The following AGBL4 variants were observed in gnomAD, a reference collection of about 807,000 sequenced individuals.
AGBL4 encodes cytosolic carboxypeptidase 6.
Under a neutral mutation model 66.4 loss-of-function variants are expected in AGBL4, and 58 were observed. The observed-to-expected ratio is 0.87, with a 90% CI of 0.71 to 1.09. The LOEUF (loss-of-function observed/expected upper bound fraction) is 1.09. AGBL4 is among the 50% of genes least tolerant of loss of function. AGBL4 has a pLI of 0.00. For synonymous variants in AGBL4, 234 were observed against 222.9 expected, an observed-to-expected ratio of 1.05 and a Z score of -0.44; for missense variants, 579 against 631.0, an observed-to-expected ratio of 0.92 and a Z score of 0.88.
chr1:49,535,890 A>T (rs1651539821), intron 3 of AGBL4, among the ~76,000 whole-genome samples: 2 of 152,092 alleles, frequency 1.3e-5, no homozygotes, highest in South Asian at 4.2e-4. Context: ...ACGGGGTTTC[A>T]CCGTGTTAGC....
intron 13 of AGBL4, 40 bp downstream of exon 13, chr1:48,534,850 T>C (rs1348857780): frequency 2.6e-6 from 4 of 1,543,642 alleles, no homozygotes; most frequent in East Asian, 4.9e-5. Flanking sequence ...ATGCATGGTA[T>C]GTTACTTACG....
At chr1:48,656,170 T>A (rs547769673) in intron 7 of AGBL4, among the ~76,000 whole-genome samples, 1 of 152,304 alleles carries the variant, frequency 6.6e-6, no homozygotes, top group South Asian at 2.1e-4. Context: ...GGTAGAGGAT[T>A]TGAAATTAAA....
chr1:49,485,925 T>C (rs993529894), intron 3 of AGBL4, among the ~76,000 whole-genome samples: 2 of 152,018 alleles, frequency 1.3e-5, no homozygotes, highest in Non-Finnish European at 1.5e-5. Context: ...AGGGTGACTA[T>C]AGTAAAAAGT....
At chr1:49,730,697 C>T (rs548998858) in intron 2 of AGBL4, among the ~76,000 whole-genome samples, 18 of 152,270 alleles carry the variant, frequency 1.2e-4, no homozygotes, top group African/African-American at 4.3e-4. Flanking sequence ...CACAGAGCCA[C>T]AGCAGGCTCA....
At chr1:48,598,420 G>T (rs985318580) in intron 9 of AGBL4, among the ~76,000 whole-genome samples, 3 of 152,036 alleles carry the variant, frequency 2.0e-5, no homozygotes, top group Admixed American at 2.0e-4. Context: ...CACACCTAGG[G>T]TATATGGTTA....
At chr1:49,334,736 C>A (rs933597542) in intron 3 of AGBL4, among the ~76,000 whole-genome samples, 4 of 152,184 alleles carry the variant, frequency 2.6e-5, no homozygotes, top group Non-Finnish European at 5.9e-5. Context: ...CCCCTACCAA[C>A]TATTTGGCAC....
At chr1:49,409,011 C>G (rs1351992526) in intron 3 of AGBL4, among the ~76,000 whole-genome samples, 1 of 152,144 alleles carries the variant, frequency 6.6e-6, no homozygotes, top group Non-Finnish European at 1.5e-5. Flanking sequence ...GGAATTAAGG[C>G]TTACAGAAGT....
intron 3 of AGBL4, among the ~76,000 whole-genome samples, chr1:49,427,986 T>C (rs1189292290): frequency 6.6e-6 from 1 of 151,964 alleles, no homozygotes; most frequent in African/African-American, 2.4e-5. Flanking sequence ...ACACACAGAG[T>C]GCTGATTGGT....
chr1:49,469,275 G>A (rs1646693428), intron 3 of AGBL4, among the ~76,000 whole-genome samples: 1 of 151,422 alleles, frequency 6.6e-6, no homozygotes, highest in Non-Finnish European at 1.5e-5. Context: ...TAAAATGTAG[G>A]GAAATATCTT....
rs1332574092 is a variant in AGBL4, at chr1:49,953,563, G to A, written c.34+70200C>T. Among the ~76,000 whole-genome samples, 6 of 151,888 alleles carry A rather than the reference G, an allele frequency of 4.0e-5. No individual in the cohort carries two copies. In the East Asian group the frequency reaches 7.8e-4, roughly 20 times the overall value. The stretch of plus-strand genomic sequence containing the variant: ...GAGATCAGAAGTACAGGTTGAGCAC[G>A]CTTAATCCAAAAATCCGAAATCCTC... On this transcript the variant is annotated intron_variant, in intron 1 of 13. Transcript: ENST00000371839.
chr1:50,003,631 G>A (rs1019782844), intron 1 of AGBL4, among the ~76,000 whole-genome samples: 2 of 152,110 alleles, frequency 1.3e-5, no homozygotes, highest in African/African-American at 4.8e-5. Flanking sequence ...CTATTGGCCT[G>A]CCAGAGAGAC....
At chr1:48,668,249 C>T (rs1646220701) in intron 6 of AGBL4, among the ~76,000 whole-genome samples, 1 of 152,182 alleles carries the variant, frequency 6.6e-6, no homozygotes, top group South Asian at 2.1e-4. Context: ...AGAGGGCTTG[C>T]TCAGGACTGG....
chr1:49,647,865 A>T (rs986373126), intron 3 of AGBL4, among the ~76,000 whole-genome samples: 2 of 151,948 alleles, frequency 1.3e-5, no homozygotes, highest in East Asian at 3.9e-4. Flanking sequence ...AAAAAAAAAA[A>T]AAAAAACCTG....
intron 2 of AGBL4, among the ~76,000 whole-genome samples, chr1:49,717,578 C>T (rs929136080): frequency 6.6e-6 from 1 of 151,926 alleles, no homozygotes; most frequent in Non-Finnish European, 1.5e-5. Context: ...CATCCTGATT[C>T]CTCTCACCTG....
At chr1:49,387,086 A>C (rs907486925) in intron 3 of AGBL4, among the ~76,000 whole-genome samples, 1 of 151,950 alleles carries the variant, frequency 6.6e-6, no homozygotes, top group African/African-American at 2.4e-5. Context: ...GCAAAGAGTC[A>C]ATTTTCAAGT....
chr1:49,873,479 C>T (rs1367220883), intron 1 of AGBL4, among the ~76,000 whole-genome samples: 2 of 152,092 alleles, frequency 1.3e-5, no homozygotes, highest in Non-Finnish European at 2.9e-5. Context: ...AAAACCGAGT[C>T]ATGCAATAAA....
chr1:49,685,377 C>T (rs1405405002), intron 3 of AGBL4, among the ~76,000 whole-genome samples: 1 of 152,110 alleles, frequency 6.6e-6, no homozygotes, highest in African/African-American at 2.4e-5. Flanking sequence ...GTGCATGTGT[C>T]TTTATGGTAG....
intron 6 of AGBL4, chr1:48,761,464 T>G (rs1644250326): frequency 6.4e-7 from 1 of 1,550,544 alleles, no homozygotes; most frequent in Admixed American, 2.0e-5. Context: ...AAGGTCAGAT[T>G]TGTCTTCTAA....
intron 4 of AGBL4, among the ~76,000 whole-genome samples, chr1:49,064,049 A>G (rs1033724571): frequency 1.3e-5 from 2 of 152,154 alleles, no homozygotes; most frequent in African/African-American, 4.8e-5. Flanking sequence ...TAATTTTCTG[A>G]TTTGTAAAAT....
Sources: allele counts gnomAD v4.1 joint callset (sites outside exome capture counted in the v4.1 genomes callset), GRCh38; gene constraint gnomAD v4.1.1; transcripts MANE v1.5; gene names NCBI Gene and HGNC (gene_info 2026-07-23, HGNC 2026-07-21).